Variants in FRMPD1 observed in about 807,000 individuals in gnomAD.
The protein encoded by FRMPD1 is FERM and PDZ domain-containing protein 1.
A neutral mutation model predicts 117.8 loss-of-function variants in FRMPD1; 76 were observed. The observed-to-expected ratio is 0.65, with a 90% CI of 0.54 to 0.78. The LOEUF (loss-of-function observed/expected upper bound fraction) is 0.78. Among genes scored for constraint, FRMPD1 ranks in the 30% least tolerant of loss-of-function variants. The probability of loss-of-function intolerance (pLI) is 0.00; values close to 1 mark genes in which losing one functional copy is unlikely to be tolerated. For synonymous variants in FRMPD1, 783 were observed against 770.4 expected (o/e 1.02, Z -0.27); for missense variants, 1,786 against 1,964.5 (o/e 0.91, Z 1.72).
chr9:37,717,387 T>A (rs867455030), intron 5 of FRMPD1, among the ~76,000 whole-genome samples: 1,906 of 126,998 alleles, frequency 0.015, 53 homozygotes, highest in African/African-American at 0.053. Flanking sequence ...ATATATTTTT[T>A]TTTTTTTTTT....
rs1222192086 is a variant in FRMPD1 at position 37,740,696 on chromosome 9, C to T, written c.2168C>T (p.Ser723Phe). 1 of 1,614,114 alleles carries T rather than the reference C, an allele frequency of 6.2e-7. No individual in the cohort carries two copies. Among genetic ancestry groups the T allele is most frequent in the Non-Finnish European group, 8.5e-7 (1 of 1,180,002 alleles). Residue 723 changes from serine (S) to phenylalanine (F), a missense_variant, in exon 15 of 16, where the codon TCC (serine) becomes TTC (phenylalanine). By Grantham distance (155) the Ser-to-Phe change is radical. Transcript: ENST00000377765. The surrounding 1 kb of genome is among the most constrained non-coding windows in gnomAD (Gnocchi z 4.2). Reference protein sequence around the residue: ...VSPASYLSDSSESTASRQGGA... With the variant: ...VSPASYLSDSFESTASRQGGA... ...CCGGCCAGCTACCTGAGTGACAGTT[C>T]CGAGAGTACAGCTTCCCGGCAAGGG...
At chr9:37,635,664 A>G in the FRMPD1 span, among the ~76,000 whole-genome samples, 37 of 152,338 alleles carry the variant, frequency 2.4e-4, no homozygotes, top group African/African-American at 8.4e-4. Context: ...CACGAGGGAC[A>G]TGGCTTCTCA....
the FRMPD1 span, among the ~76,000 whole-genome samples, chr9:37,613,550 G>A: frequency 3.9e-5 from 6 of 152,280 alleles, no homozygotes; most frequent in South Asian, 6.2e-4. Context: ...CCTGGAGCTC[G>A]AAAACAGAGA....
intron 5 of FRMPD1, among the ~76,000 whole-genome samples, chr9:37,716,966 A>T (rs767126129): frequency 2.0e-5 from 3 of 152,154 alleles, no homozygotes; most frequent in Admixed American, 6.6e-5. Flanking sequence ...GGCATTGCTA[A>T]ATATCACTGT....
chr9:37,689,007 C>T (rs954091738), intron 1 of FRMPD1, among the ~76,000 whole-genome samples: 3 of 151,918 alleles, frequency 2.0e-5, no homozygotes, highest in Non-Finnish European at 4.4e-5. Context: ...TAATAGAAAT[C>T]AGCATTTCCT....
At chr9:37,690,782 A>G (rs1229327249) in intron 1 of FRMPD1, among the ~76,000 whole-genome samples, 3 of 152,130 alleles carry the variant, frequency 2.0e-5, no homozygotes, top group Non-Finnish European at 4.4e-5. Flanking sequence ...ATTTCTCACA[A>G]TTCTGGAGGC....
intron 15 of FRMPD1, among the ~76,000 whole-genome samples, chr9:37,741,719 G>A (rs768707815): frequency 6.6e-6 from 1 of 152,150 alleles, no homozygotes; most frequent in African/African-American, 2.4e-5. Context: ...GCCTCTGCCT[G>A]TCTCTCTCCC....
chr9:37,744,330 G>A, intron 15 of FRMPD1, 59 bp from the exon 16 acceptor site: 2 of 1,320,896 alleles, frequency 1.5e-6, no homozygotes, highest in South Asian at 1.5e-5. Flanking sequence ...CTGAGCCCAA[G>A]CTCTATTAAC....
chr9:37,746,852 C>T lies in FRMPD1; in HGVS notation c.*83C>T, dbSNP rs1325494800. On this transcript the variant is annotated 3_prime_UTR_variant, in exon 16 of 16. Coordinates refer to ENST00000377765, the MANE Select transcript of FRMPD1 (RefSeq NM_014907.3). ...AGCCCCTTCCACTCTCCCACCCACC[C>T]TCTTCAAATGTTTACTATATAGAGT... 5 of 876,822 alleles carry T rather than the reference C, an allele frequency of 5.7e-6. No individual in the cohort carries two copies. In the Admixed American group the frequency reaches 8.7e-5, roughly 15 times the overall value. 54.3% of individuals were successfully genotyped at this position (876,822 alleles called of 1,614,324 possible). A position where few individuals can be genotyped will look rare whatever the true frequency, so the allele number is the denominator to read the frequency against.
chr9:37,716,005 C>G (rs188287684), intron 5 of FRMPD1, among the ~76,000 whole-genome samples: 2 of 152,280 alleles, frequency 1.3e-5, no homozygotes, highest in East Asian at 3.9e-4. Flanking sequence ...CCTGAATTTT[C>G]ACTTCTCTGA....
chr9:37,739,686 T>G (rs980061436), intron 14 of FRMPD1, among the ~76,000 whole-genome samples: 1 of 152,228 alleles, frequency 6.6e-6, no homozygotes, highest in Non-Finnish European at 1.5e-5. Context: ...TTTTAAAATA[T>G]GATTCCCCAT....
At chr9:37,654,849 A>G (rs1299020346) in intron 1 of FRMPD1, among the ~76,000 whole-genome samples, 1 of 152,240 alleles carries the variant, frequency 6.6e-6, no homozygotes, top group Non-Finnish European at 1.5e-5. Flanking sequence ...GGAATTTTGA[A>G]GAAATGACCA....
chr9:37,698,457 G>A (rs377283511), intron 2 of FRMPD1, among the ~76,000 whole-genome samples: 18 of 151,522 alleles, frequency 1.2e-4, no homozygotes, highest in African/African-American at 4.4e-4. Context: ...CTGTTTCTGG[G>A]CTGGCTATTC....
At chr9:37,643,724 A>G in the FRMPD1 span, among the ~76,000 whole-genome samples, 19 of 152,248 alleles carry the variant, frequency 1.2e-4, no homozygotes, top group Admixed American at 1.1e-3. Context: ...GGCTACTTAT[A>G]TCCACAAGTG....
intron 6 of FRMPD1, among the ~76,000 whole-genome samples, chr9:37,720,871 G>A (rs1823370679): frequency 6.6e-6 from 1 of 152,266 alleles, no homozygotes; most frequent in Admixed American, 6.5e-5. Context: ...TGGCGACAGA[G>A]TGAGACTTCG....
intron 5 of FRMPD1, 21 bp downstream of exon 5, chr9:37,711,416 T>C (rs1822907295): frequency 6.4e-7 from 1 of 1,567,072 alleles, no homozygotes; most frequent in Non-Finnish European, 8.8e-7. Context: ...TTCTATGTCC[T>C]GTGTGTTAGT....
intron 1 of FRMPD1, among the ~76,000 whole-genome samples, chr9:37,692,313 C>T (rs1822166756): frequency 1.3e-5 from 2 of 152,106 alleles, no homozygotes; most frequent in African/African-American, 4.8e-5. Context: ...GAGGGAAGGA[C>T]GGTGTCACAT....
chr9:37,659,801 G>A (rs1395950636), intron 1 of FRMPD1, among the ~76,000 whole-genome samples: 1 of 151,360 alleles, frequency 6.6e-6, no homozygotes, highest in East Asian at 1.9e-4. Flanking sequence ...TCCTTTAAGT[G>A]TGATCTCCAG....
At chr9:37,688,739 A>G (rs1822033945) in intron 1 of FRMPD1, among the ~76,000 whole-genome samples, 2 of 152,130 alleles carry the variant, frequency 1.3e-5, no homozygotes, top group South Asian at 4.1e-4. Context: ...ATGCTTAAAT[A>G]TTAATATGCA....
Sources: gnomAD v4.1 joint callset for allele counts (sites outside exome capture counted in the v4.1 genomes callset) on GRCh38, gnomAD v4.1.1 for gene constraint, Gnocchi (gnomAD v3.1) non-coding constraint, MANE v1.5 for transcripts, NCBI Gene and HGNC (gene_info 2026-07-23, HGNC 2026-07-21) for gene names.